Variants in ELOVL6 observed in about 807,000 individuals in gnomAD.
ELOVL6 encodes very long chain fatty acid elongase 6.
Under a neutral mutation model 31.7 loss-of-function variants are expected in ELOVL6, and 8 were observed. The observed-to-expected ratio is 0.25, with a 90% CI of 0.15 to 0.45. The LOEUF is 0.45. Among genes scored for constraint, ELOVL6 ranks in the 20% least tolerant of loss-of-function variants. ELOVL6 has a pLI of 1.00. For missense variants in ELOVL6, 126 were observed against 326.4 expected, an observed-to-expected ratio of 0.39 and a Z score of 4.73; for synonymous variants, 101 against 117.7, an observed-to-expected ratio of 0.86 and a Z score of 0.92.
intron 1 of ELOVL6, among the ~76,000 whole-genome samples, chr4:110,190,912 A>G (rs10019351): frequency 0.32 from 49,021 of 151,352 alleles, 8,171 homozygotes; most frequent in Middle Eastern, 0.43. Flanking sequence ...CTCCGCCTCC[A>G]GGTTCATGCC....
intron 2 of ELOVL6, among the ~76,000 whole-genome samples, chr4:110,081,978 A>C (rs2126232065): frequency 1.3e-5 from 2 of 151,446 alleles, no homozygotes; most frequent in South Asian, 4.3e-4. Flanking sequence ...ATGCAGCCAA[A>C]AGACACATGA....
intron 1 of ELOVL6, among the ~76,000 whole-genome samples, chr4:110,148,313 A>C (rs993736487): frequency 6.6e-6 from 1 of 152,144 alleles, no homozygotes; most frequent in Non-Finnish European, 1.5e-5. Flanking sequence ...TTAAAGGACA[A>C]AAAATACATG....
intron 2 of ELOVL6, among the ~76,000 whole-genome samples, chr4:110,100,221 A>G (rs1370500280): frequency 6.6e-6 from 1 of 152,074 alleles, no homozygotes; most frequent in African/African-American, 2.4e-5. Context: ...GTGGGGAGAG[A>G]TTTTCAGGGA....
At chr4:110,094,983 C>A (rs1283015333) in intron 2 of ELOVL6, among the ~76,000 whole-genome samples, 3 of 152,190 alleles carry the variant, frequency 2.0e-5, no homozygotes, top group African/African-American at 7.2e-5. Context: ...AATTCATAGT[C>A]TACCAAGAAG....
intron 1 of ELOVL6, among the ~76,000 whole-genome samples, chr4:110,135,087 A>G (rs1373332347): frequency 6.6e-6 from 1 of 152,220 alleles, no homozygotes; most frequent in African/African-American, 2.4e-5. Flanking sequence ...AACCTAGGAT[A>G]TTCTTCCTTT....
At chr4:110,190,250 A>C (rs1415966464) in intron 1 of ELOVL6, among the ~76,000 whole-genome samples, 1 of 152,090 alleles carries the variant, frequency 6.6e-6, no homozygotes, top group Non-Finnish European at 1.5e-5. Context: ...TTTCTCCTGT[A>C]CTTTTTTTTT....
chr4:110,083,710 A>T lies in ELOVL6; in HGVS notation c.221+21787T>A, dbSNP rs369299206. On this transcript the variant is annotated intron_variant, in intron 2 of 3. Transcript: ENST00000302274. Reference sequence around the variant, plus strand: ...ATATAAATGTTAAAATATTCATATTATTATAAAAGTAGTCAGGCACTTAAA... The same window carrying T: ...ATATAAATGTTAAAATATTCATATTTTTATAAAAGTAGTCAGGCACTTAAA... Among the ~76,000 whole-genome samples, 5 of 151,268 alleles carry T rather than the reference A, an allele frequency of 3.3e-5. No homozygotes were observed. The East Asian group carries it at 9.6e-4, about 29-fold the overall frequency.
intron 1 of ELOVL6, among the ~76,000 whole-genome samples, chr4:110,142,080 T>C (rs1414999228): frequency 1.4e-5 from 2 of 140,036 alleles, no homozygotes; most frequent in African/African-American, 5.3e-5. Flanking sequence ...TTTTTTTTTT[T>C]TTTTTTTTGA....
intron 1 of ELOVL6, among the ~76,000 whole-genome samples, chr4:110,110,401 ATTTTTTT>A (rs397878146): frequency 5.3e-4 from 58 of 109,744 alleles, no homozygotes; most frequent in Admixed American, 1.1e-3. Flanking sequence ...TTTTCCGCAG[ATTTTTTT>A]TTTTTTTTTT....
At chr4:110,149,874 T>A (rs962844559) in intron 1 of ELOVL6, among the ~76,000 whole-genome samples, 4 of 152,194 alleles carry the variant, frequency 2.6e-5, no homozygotes, top group Non-Finnish European at 5.9e-5. Context: ...AATAAATGTA[T>A]TCATTTTCAA....
chr4:110,183,944 T>G (rs367551457), intron 1 of ELOVL6, among the ~76,000 whole-genome samples: 2 of 152,300 alleles, frequency 1.3e-5, no homozygotes, highest in East Asian at 3.9e-4. Context: ...ATCGTACCAC[T>G]GTACTCCAGC....
At chr4:110,187,504 T>C (rs1298027592) in intron 1 of ELOVL6, among the ~76,000 whole-genome samples, 1 of 149,330 alleles carries the variant, frequency 6.7e-6, no homozygotes, top group Non-Finnish European at 1.5e-5. Context: ...AGATCAGGAG[T>C]TTGAGACCAG....
intron 1 of ELOVL6, among the ~76,000 whole-genome samples, chr4:110,197,478 T>G (rs1165175261): frequency 6.6e-6 from 1 of 152,094 alleles, no homozygotes; most frequent in South Asian, 2.1e-4. Context: ...GTGCCTGAAC[T>G]CCAATCAGCA....
chr4:110,179,321 A>G (rs964206678), intron 1 of ELOVL6, among the ~76,000 whole-genome samples: 12 of 152,192 alleles, frequency 7.9e-5, no homozygotes, highest in Non-Finnish European at 4.4e-5. Flanking sequence ...CCTGGCCAAC[A>G]TGGTGAAACC....
At chr4:110,114,014 G>A (rs1410250366) in intron 1 of ELOVL6, among the ~76,000 whole-genome samples, 1 of 152,172 alleles carries the variant, frequency 6.6e-6, no homozygotes, top group Non-Finnish European at 1.5e-5. Context: ...TACTCAGGAG[G>A]CTGAGGTGGG....
intron 1 of ELOVL6, among the ~76,000 whole-genome samples, chr4:110,174,190 G>A (rs1385305725): frequency 6.9e-6 from 1 of 145,080 alleles, no homozygotes; most frequent in East Asian, 2.0e-4. Context: ...TTGAGACAGA[G>A]TCTTACTCTG....
At chr4:110,175,428 T>A (rs1029194495) in intron 1 of ELOVL6, among the ~76,000 whole-genome samples, 1 of 151,728 alleles carries the variant, frequency 6.6e-6, no homozygotes. Flanking sequence ...AAAATGGAGA[T>A]GAAAAATCCT....
chr4:110,148,128 A>AAAAAAAAAAAAAAAAC (rs1758177743), intron 1 of ELOVL6, among the ~76,000 whole-genome samples: 1 of 151,888 alleles, frequency 6.6e-6, no homozygotes. Flanking sequence ...AAAAAAAAAA[A>AAAAAAAAAAAAAAAAC]AGCCAAATAA....
At chr4:110,156,858 A>C (rs1465186427) in intron 1 of ELOVL6, among the ~76,000 whole-genome samples, 2 of 152,212 alleles carry the variant, frequency 1.3e-5, no homozygotes, top group Non-Finnish European at 2.9e-5. Flanking sequence ...CATAAAACTG[A>C]AAAGCATCCA....
Sources: allele counts gnomAD v4.1 joint callset (sites outside exome capture counted in the v4.1 genomes callset), GRCh38; gene constraint gnomAD v4.1.1; transcripts MANE v1.5; gene names NCBI Gene and HGNC (gene_info 2026-07-23, HGNC 2026-07-21).